SUSD4: variants seen among roughly 807,000 people sequenced by gnomAD.
The protein encoded by SUSD4 is sushi domain-containing protein 4.
A neutral mutation model predicts 50.5 loss-of-function variants in SUSD4; 41 were observed. The ratio of observed to expected loss-of-function variants is 0.81; its 90% CI spans 0.63 to 1.05. The LOEUF (loss-of-function observed/expected upper bound fraction) is 1.05, where lower values mean the gene tolerates loss of function less well. Ranked by LOEUF, SUSD4 falls within the 50% of genes least tolerant of loss-of-function variation. The probability of loss-of-function intolerance (pLI) is 0.00; values close to 1 mark genes in which losing one functional copy is unlikely to be tolerated. For synonymous variants in SUSD4, 257 were observed against 257.3 expected (o/e 1.00, Z 0.01); for missense variants, 580 against 634.7 (o/e 0.91, Z 0.93).
At chr1:223,268,042 T>TACAC (rs374538693) in intron 4 of SUSD4, among the ~76,000 whole-genome samples, 1 of 106,836 alleles carries the variant, frequency 9.4e-6, no homozygotes, top group Non-Finnish European at 1.7e-5. Context: ...TATATATATA[T>TACAC]ACACACACAC....
intron 5 of SUSD4, among the ~76,000 whole-genome samples, chr1:223,251,036 T>G (rs1661267525): frequency 6.6e-6 from 1 of 152,190 alleles, no homozygotes; most frequent in African/African-American, 2.4e-5. Context: ...TACCTGTGAA[T>G]GTGGGCCTAT....
At chr1:223,239,075 T>C (rs765870137) in intron 5 of SUSD4, among the ~76,000 whole-genome samples, 2 of 152,096 alleles carry the variant, frequency 1.3e-5, no homozygotes, top group Non-Finnish European at 2.9e-5. Context: ...TTTGTTTCTA[T>C]GTAATGCTCT....
chr1:223,348,674 A>G (rs1668178427), intron 2 of SUSD4, among the ~76,000 whole-genome samples: 1 of 152,166 alleles, frequency 6.6e-6, no homozygotes, highest in Non-Finnish European at 1.5e-5. Context: ...TCCCCGGTAC[A>G]CTACCAACCC....
chr1:223,326,928 G>C (rs925037384), intron 2 of SUSD4, among the ~76,000 whole-genome samples: 4 of 152,200 alleles, frequency 2.6e-5, no homozygotes, highest in Non-Finnish European at 5.9e-5. Context: ...ATGGAAAACA[G>C]TATGGAGATT....
intron 2 of SUSD4, among the ~76,000 whole-genome samples, chr1:223,334,372 G>T (rs1282824188): frequency 9.2e-5 from 14 of 152,050 alleles, no homozygotes; most frequent in Non-Finnish European, 1.9e-4. Context: ...GATCAGGAAA[G>T]GAGTGCCAGC....
intron 5 of SUSD4, among the ~76,000 whole-genome samples, chr1:223,252,057 C>T (rs1283557084): frequency 1.9e-5 from 2 of 107,562 alleles, no homozygotes; most frequent in African/African-American, 7.8e-5. Flanking sequence ...CATCACACAC[C>T]AGGGCCTGTT....
Position 223,336,508 on chromosome 1 carries a change from C to T in SUSD4, c.148+26770G>A, listed in dbSNP as rs1420103320. Among the ~76,000 whole-genome samples the T allele has an allele frequency of 4.6e-5, 7 of 152,172 alleles. No individual in the cohort carries two copies. The South Asian group carries it at 8.3e-4, about 18-fold the overall frequency. On this transcript the variant is annotated intron_variant, in intron 2 of 8. Transcript: ENST00000366878. ...TCTGAGGCGTGAATAGCACTCAGGACTGGAAGCACAGCACAGAGACTGCTC... is the reference window on the plus strand; with the variant it reads ...TCTGAGGCGTGAATAGCACTCAGGATTGGAAGCACAGCACAGAGACTGCTC...
chr1:223,257,279 G>A (rs1427150315), intron 5 of SUSD4, among the ~76,000 whole-genome samples: 1 of 152,148 alleles, frequency 6.6e-6, no homozygotes, highest in Non-Finnish European at 1.5e-5. Context: ...CGAGGTGGGA[G>A]GATTGCTTGA....
intron 2 of SUSD4, among the ~76,000 whole-genome samples, chr1:223,337,773 GA>G (rs1318963800): frequency 6.6e-6 from 1 of 152,188 alleles, no homozygotes; most frequent in Non-Finnish European, 1.5e-5. Context: ...TTCTCAAGAG[GA>G]AGGGCTGCTG....
chr1:223,254,151 T>G (rs1267358185), intron 5 of SUSD4, among the ~76,000 whole-genome samples: 1 of 152,118 alleles, frequency 6.6e-6, no homozygotes, highest in African/African-American at 2.4e-5. Context: ...GAACCATGGA[T>G]GGGGGCTTGG....
At chr1:223,224,410 T>C (rs74916366) in intron 7 of SUSD4, among the ~76,000 whole-genome samples, 101 of 152,268 alleles carry the variant, frequency 6.6e-4, no homozygotes, top group African/African-American at 2.2e-3. Flanking sequence ...GCTGGCCCTA[T>C]GCTCATCATG....
At chr1:223,347,974 A>G (rs1209750128) in intron 2 of SUSD4, among the ~76,000 whole-genome samples, 1 of 152,076 alleles carries the variant, frequency 6.6e-6, no homozygotes, top group Non-Finnish European at 1.5e-5. Flanking sequence ...CTGGGCCTTC[A>G]TTTCCTCATC....
At chr1:223,257,914 G>C (rs751411849) in intron 5 of SUSD4, among the ~76,000 whole-genome samples, 2 of 152,148 alleles carry the variant, frequency 1.3e-5, no homozygotes, top group Non-Finnish European at 2.9e-5. Context: ...AGTAATTTAC[G>C]ACCTTATTGG....
intron 3 of SUSD4, among the ~76,000 whole-genome samples, chr1:223,281,081 T>C (rs904821740): frequency 2.0e-5 from 3 of 152,126 alleles, no homozygotes; most frequent in South Asian, 2.1e-4. Context: ...GGGACACATT[T>C]AAAGCAGTGT....
At chr1:223,294,001 G>A (rs1214483111) in intron 2 of SUSD4, among the ~76,000 whole-genome samples, 1 of 151,982 alleles carries the variant, frequency 6.6e-6, no homozygotes, top group African/African-American at 2.4e-5. Flanking sequence ...GCGAGGGCCA[G>A]GGATAAGGGA....
intron 2 of SUSD4, among the ~76,000 whole-genome samples, chr1:223,345,148 CACAA>C (rs1211902575): frequency 1.3e-5 from 2 of 152,152 alleles, no homozygotes; most frequent in Admixed American, 1.3e-4. Context: ...AAGTGGTGCT[CACAA>C]ACATACAGTG....
intron 3 of SUSD4, among the ~76,000 whole-genome samples, chr1:223,276,532 T>C (rs1301188405): frequency 6.6e-6 from 1 of 152,234 alleles, no homozygotes; most frequent in Non-Finnish European, 1.5e-5. Flanking sequence ...CTGTCACTTA[T>C]CTTTGCAGGA....
chr1:223,306,465 A>G (rs1665539933), intron 2 of SUSD4, among the ~76,000 whole-genome samples: 3 of 152,194 alleles, frequency 2.0e-5, no homozygotes, highest in Admixed American at 6.5e-5. Context: ...AAGATTATCA[A>G]TTGTCGAAAC....
At chr1:223,316,981 A>C (rs1666229807) in intron 2 of SUSD4, among the ~76,000 whole-genome samples, 1 of 152,186 alleles carries the variant, frequency 6.6e-6, no homozygotes, top group Non-Finnish European at 1.5e-5. Flanking sequence ...ATCATCAACC[A>C]GAGGTTAGGC....
Sources: allele counts gnomAD v4.1 joint callset (sites outside exome capture counted in the v4.1 genomes callset), GRCh38; gene constraint gnomAD v4.1.1; transcripts MANE v1.5; gene names NCBI Gene and HGNC (gene_info 2026-07-23, HGNC 2026-07-21).